Variants in POLA1 observed in about 807,000 individuals in gnomAD.
The protein encoded by POLA1 is DNA polymerase alpha 1, catalytic subunit.
A neutral mutation model predicts 124.0 loss-of-function variants in POLA1; 15 were observed. The observed-to-expected ratio is 0.12, with a 90% CI of 0.08 to 0.19. The LOEUF is 0.19. Among genes scored for constraint, POLA1 ranks in the 10% least tolerant of loss-of-function variants. The pLI, the probability that POLA1 is intolerant of heterozygous loss-of-function variation, is 1.00. For missense variants in POLA1, 886 were observed against 1,103.4 expected, an observed-to-expected ratio of 0.80 and a Z score of 2.79; for synonymous variants, 408 against 389.4, an observed-to-expected ratio of 1.05 and a Z score of -0.56.
intron 36 of POLA1, among the ~76,000 whole-genome samples, chrX:24,989,627 G>A (rs2048513694): frequency 9.0e-6 from 1 of 110,968 alleles, no homozygotes; most frequent in African/African-American, 3.3e-5. Context: ...ATGACTTCAT[G>A]TGTATTAAAA....
chrX:24,857,249 A>G (rs972712764), intron 34 of POLA1, among the ~76,000 whole-genome samples: 5 of 111,485 alleles, frequency 4.5e-5, no homozygotes, highest in Admixed American at 9.5e-5. Flanking sequence ...GTGTGGGTCT[A>G]TTTCTGGACT....
chrX:24,764,196 A>G (rs947779723), intron 26 of POLA1, among the ~76,000 whole-genome samples: 2 of 112,418 alleles, frequency 1.8e-5, no homozygotes, highest in Non-Finnish European at 3.8e-5. Flanking sequence ...TTGATACATA[A>G]TAAGTACTCA....
At chrX:24,807,843 A>G (rs1458328298) in intron 26 of POLA1, among the ~76,000 whole-genome samples, 1 of 111,914 alleles carries the variant, frequency 8.9e-6, no homozygotes, top group African/African-American at 3.3e-5. Flanking sequence ...CAATGATAGG[A>G]AAAGGACTGG....
At chrX:24,856,160 A>G (rs1442134652) in intron 34 of POLA1, among the ~76,000 whole-genome samples, 1 of 111,764 alleles carries the variant, frequency 8.9e-6, no homozygotes, top group African/African-American at 3.3e-5. Context: ...AAAAACTCCC[A>G]AAATAGTCCT....
intron 36 of POLA1, among the ~76,000 whole-genome samples, chrX:24,937,292 A>C (rs905501632): frequency 8.9e-6 from 1 of 111,920 alleles, no homozygotes; most frequent in African/African-American, 3.2e-5. Context: ...TAAAATACAA[A>C]ACTAGATAAC....
intron 36 of POLA1, among the ~76,000 whole-genome samples, chrX:24,949,474 G>A (rs1220678263): frequency 9.2e-6 from 1 of 109,165 alleles, no homozygotes; most frequent in Non-Finnish European, 1.9e-5. Flanking sequence ...TTATTCATGT[G>A]GTTACTATAA....
At position 24,724,463 on chromosome X, in the gene POLA1, G is replaced by A. The variant is rs755308134; in HGVS notation, c.1317+12G>A. 2.5e-6 allele frequency: 2 copies of A among 790,271 alleles called. No individual in the cohort carries two copies. Among genetic ancestry groups the A allele is most frequent in the Non-Finnish European group, 3.7e-6 (2 of 535,389 alleles). 65.1% of individuals were successfully genotyped at this position (790,271 alleles called of 1,213,427 possible). Reference sequence around the variant, plus strand: ...AGTTCAAGTCTAAGGTTTGTATTTGGCGATGATTTTTTTCCAGCTCTGTTT... The same window carrying A: ...AGTTCAAGTCTAAGGTTTGTATTTGACGATGATTTTTTTCCAGCTCTGTTT... On this transcript the variant is annotated intron_variant, in intron 12 of 36. Coordinates refer to ENST00000379068, the MANE Select transcript of POLA1 (RefSeq NM_001330360.2).
intron 31 of POLA1, among the ~76,000 whole-genome samples, chrX:24,824,229 C>T (rs1328333384): frequency 9.0e-6 from 1 of 111,122 alleles, no homozygotes; most frequent in Non-Finnish European, 1.9e-5. Flanking sequence ...ATGTATGCCA[C>T]GTATTCTTGC....
At chrX:24,805,949 TGG>T (rs973397950) in intron 26 of POLA1, among the ~76,000 whole-genome samples, 1 of 109,703 alleles carries the variant, frequency 9.1e-6, no homozygotes, top group African/African-American at 3.3e-5. Context: ...TAGACCTTTC[TGG>T]GTACTTGTGG....
intron 36 of POLA1, among the ~76,000 whole-genome samples, chrX:24,968,850 A>G (rs1452841671): frequency 1.8e-5 from 2 of 111,769 alleles, no homozygotes; most frequent in African/African-American, 6.5e-5. Flanking sequence ...TTAAACATGT[A>G]TTAAACATCT....
At chrX:24,787,924 C>T (rs1318080862) in intron 26 of POLA1, among the ~76,000 whole-genome samples, 2 of 111,734 alleles carry the variant, frequency 1.8e-5, no homozygotes, top group African/African-American at 6.5e-5. Context: ...AAATTGTAGG[C>T]CAGTATCCCT....
intron 36 of POLA1, among the ~76,000 whole-genome samples, chrX:24,940,171 A>G (rs1292557901): frequency 8.9e-6 from 1 of 111,983 alleles, no homozygotes; most frequent in Non-Finnish European, 1.9e-5. Context: ...CTAAATAAAG[A>G]CAAAAGGTTT....
At chrX:24,901,442 A>G (rs139058247) in intron 35 of POLA1, among the ~76,000 whole-genome samples, 1 of 111,395 alleles carries the variant, frequency 9.0e-6, no homozygotes, top group African/African-American at 3.3e-5. Context: ...AAAGGGAACG[A>G]TGGGGAAAGC....
intron 26 of POLA1, among the ~76,000 whole-genome samples, chrX:24,807,825 G>T (rs907174080): frequency 8.9e-6 from 1 of 111,840 alleles, no homozygotes; most frequent in African/African-American, 3.3e-5. Flanking sequence ...GCCGAGGGTT[G>T]TAAAATTCAA....
At chrX:24,815,388 A>G (rs962084170) in intron 30 of POLA1, among the ~76,000 whole-genome samples, 1 of 110,429 alleles carries the variant, frequency 9.1e-6, no homozygotes, top group African/African-American at 3.3e-5. Context: ...TACATTCCAG[A>G]GGTCCTATGG....
In POLA1 at chrX:24,948,463, T is replaced by G. The variant is rs763110082; in HGVS notation, c.4261+17914T>G. ...AGTGCTTATCTTGAGTAGTTTGAACTGTAAGTGGTATTCAGTACACAGTGG... is the reference window on the plus strand; with the variant it reads ...AGTGCTTATCTTGAGTAGTTTGAACGGTAAGTGGTATTCAGTACACAGTGG... On this transcript the variant is annotated intron_variant, in intron 36 of 36. Coordinates refer to ENST00000379068, the MANE Select transcript of POLA1 (RefSeq NM_001330360.2). 3.6e-5 allele frequency among the ~76,000 whole-genome samples: 4 copies of G among 111,437 alleles called. No individual in the cohort carries two copies. In the Admixed American group the frequency reaches 3.8e-4, roughly 11 times the overall value.
In POLA1 at chrX:24,716,297, A is replaced by C. The variant is rs11573324; in HGVS notation, c.526-65A>C. ...CTTATTGGGCTTCAATGAGTGAAGA[A>C]GTATACTTTTTCTGTCTGTGGTAAA... On this transcript the variant is annotated intron_variant, in intron 6 of 36. Coordinates refer to ENST00000379068, the MANE Select transcript of POLA1 (RefSeq NM_001330360.2). The C allele has an allele frequency of 0.012, 7,215 of 580,531 alleles. 342 individuals carry two copies. The African/African-American group carries it at 0.14, about 11-fold the overall frequency. 47.8% of individuals were successfully genotyped at this position (580,531 alleles called of 1,213,427 possible). A position where few individuals can be genotyped will look rare whatever the true frequency, so the allele number is the denominator to read the frequency against.
At chrX:24,986,886 A>G (rs1207621144) in intron 36 of POLA1, among the ~76,000 whole-genome samples, 2 of 111,113 alleles carry the variant, frequency 1.8e-5, no homozygotes, top group Admixed American at 9.6e-5. Context: ...GTTCCCCTGT[A>G]TTTCCACCAG....
At chrX:24,826,354 G>A in intron 31 of POLA1, 73 bp from the exon 32 acceptor site, 1 of 741,643 alleles carries the variant, frequency 1.3e-6, no homozygotes, top group South Asian at 3.5e-5. Flanking sequence ...CCAAGCAAGT[G>A]TCTGTGATTG....
Sources: gnomAD v4.1 joint callset for allele counts (sites outside exome capture counted in the v4.1 genomes callset) on GRCh38, gnomAD v4.1.1 for gene constraint, MANE v1.5 for transcripts, NCBI Gene and HGNC (gene_info 2026-07-23, HGNC 2026-07-21) for gene names.